Variants in ZBTB32 observed in about 807,000 individuals in gnomAD.
ZBTB32 encodes the protein zinc finger and BTB domain-containing protein 32.
A neutral mutation model predicts 45.3 loss-of-function variants in ZBTB32; 28 were observed. The observed-to-expected ratio is 0.62, with a 90% CI of 0.46 to 0.85. The LOEUF is 0.85. Among genes scored for constraint, ZBTB32 ranks in the 40% least tolerant of loss-of-function variants. The pLI is 0.00. For missense variants in ZBTB32, 587 were observed against 624.4 expected, an observed-to-expected ratio of 0.94 and a Z score of 0.64; for synonymous variants, 283 against 255.7, an observed-to-expected ratio of 1.11 and a Z score of -1.02.
At chr19:35,709,363 A>G (rs914583809) in intron 1 of ZBTB32, among the ~76,000 whole-genome samples, 1 of 152,198 alleles carries the variant, frequency 6.6e-6, no homozygotes, top group Non-Finnish European at 1.5e-5. Flanking sequence ...CATCCCTCCC[A>G]TTGGTCTATT....
chr19:35,710,670 C>T (rs1374996329), intron 1 of ZBTB32, among the ~76,000 whole-genome samples: 3 of 152,186 alleles, frequency 2.0e-5, no homozygotes, highest in Non-Finnish European at 4.4e-5. Flanking sequence ...ACAAGAGTCG[C>T]TTGAACCCAG....
Position 35,715,393 on chromosome 19 carries a change from TG to T in ZBTB32, c.773del (p.Gly258AlafsTer10). ...RPSWAEAPWL[V>X]GGQPALWSIL... ...TCGTGGGCTGAGGCCCCTTGGTTGG[TG>T]GGGGGCCAGCCTGCCCTGTGGAGCA... On this transcript the variant is annotated frameshift_variant, in exon 3 of 7. Coordinates refer to ENST00000392197, the MANE Select transcript of ZBTB32 (RefSeq NM_014383.3). LOFTEE classifies it high-confidence loss of function. 1 of 1,611,610 alleles carries T rather than the reference TG, an allele frequency of 6.2e-7. No homozygotes were observed.
chr19:35,706,711 ACT>A (rs1968553832), intron 1 of ZBTB32, among the ~76,000 whole-genome samples: 1 of 151,582 alleles, frequency 6.6e-6, no homozygotes, highest in African/African-American at 2.4e-5. Flanking sequence ...CAAGGGCAAA[ACT>A]CTGTCTCAAA....
intron 3 of ZBTB32, 88 bp from the exon 4 acceptor site, chr19:35,715,669 G>A (rs953994845): frequency 4.0e-6 from 6 of 1,499,418 alleles, no homozygotes; most frequent in Middle Eastern, 2.5e-4. Context: ...CCCAGCCCCC[G>A]GGGGAGGACT....
At chr19:35,715,661 C>A in intron 3 of ZBTB32, 96 bp from the exon 4 acceptor site, 1 of 1,492,318 alleles carries the variant, frequency 6.7e-7, no homozygotes, top group Non-Finnish European at 9.0e-7. Flanking sequence ...CGCCAAAGCC[C>A]AGCCCCCGGG....
intron 5 of ZBTB32, 53 bp from the exon 6 acceptor site, chr19:35,716,080 G>T: frequency 1.2e-6 from 2 of 1,611,872 alleles, no homozygotes; most frequent in Non-Finnish European, 1.7e-6. Context: ...GGTACAGTGA[G>T]TTGGCGCTGG....
rs1006815895 is a variant in ZBTB32 at position 35,716,596 on chromosome 19, C to A, written c.1308C>A (p.Gly436=). The change falls in exon 7 of 7, where the codon GGC becomes GGA. Residue 436 remains glycine, a synonymous_variant. Coordinates refer to ENST00000392197, the MANE Select transcript of ZBTB32 (RefSeq NM_014383.3). ...ACCGCTGCTCCCTGTGCGGGGCCGG[C>A]TGTCCCAGCCTGGCCTCCATGCAGG... ...APYRCSLCGA[G]CPSLASMQAH... is the part of the protein sequence containing the mutation. 1 of 1,613,026 alleles carries A rather than the reference C, an allele frequency of 6.2e-7. No homozygotes were observed. The highest frequency in any genetic ancestry group is 1.3e-5 in the African/African-American group (1 of 74,944).
chr19:35,716,989 G>C lies in ZBTB32; in HGVS notation c.*237G>C. On this transcript the variant is annotated 3_prime_UTR_variant, in exon 7 of 7. Coordinates refer to ENST00000392197, the MANE Select transcript of ZBTB32 (RefSeq NM_014383.3). ...AGGAGCGAAGGTTAACAGTAGGGGA[G>C]ATTGTCGATCTCATCACCATAATAA... is the stretch of plus-strand genomic sequence containing the variant. 1.8e-6 allele frequency: 1 copy of C among 569,744 alleles called. No homozygotes were observed. Among genetic ancestry groups the C allele is most frequent in the South Asian group, 2.3e-5 (1 of 43,180 alleles). 35.3% of individuals were successfully genotyped at this position (569,744 alleles called of 1,614,324 possible).
rs1459908979 is a variant in ZBTB32 at position 35,715,028 on chromosome 19, C to G, written c.402C>G (p.Pro134=). Reference sequence around the variant, plus strand: ...AACATCAGGAGGAGCCAGAGAAACCCTCAAGGAATCCTGAGAGAGAACTGG... The same window carrying G: ...AACATCAGGAGGAGCCAGAGAAACCGTCAAGGAATCCTGAGAGAGAACTGG... The part of the protein sequence containing the change: ...LKKHQEEPEK[P]SRNPERELGD... Residue 134 remains proline (P), a synonymous_variant, in exon 3 of 7, where the codon CCC becomes CCG. Transcript: ENST00000392197. 3 of 1,612,694 alleles carry G rather than the reference C, an allele frequency of 1.9e-6. No individual in the cohort carries two copies. The highest frequency in any genetic ancestry group is 2.5e-6 in the Non-Finnish European group (3 of 1,179,602).
Position 35,715,013 on chromosome 19 carries a change from G to A in ZBTB32, c.387G>A (p.Glu129=). ...ATCCAGGCCTGAAGAAACATCAGGA[G>A]GAGCCAGAGAAACCCTCAAGGAATC... ...KPDPGLKKHQ[E]EPEKPSRNPE... is the part of the protein sequence containing the mutation. Residue 129 remains glutamate, a synonymous_variant, in exon 3 of 7, where the codon GAG becomes GAA. Coordinates refer to ENST00000392197, the MANE Select transcript of ZBTB32 (RefSeq NM_014383.3). 6.2e-7 allele frequency: 1 copy of A among 1,611,534 alleles called. No homozygotes were observed. The highest frequency in any genetic ancestry group is 8.5e-7 in the Non-Finnish European group (1 of 1,179,210).
In ZBTB32 at chr19:35,714,505, C is replaced by A; in HGVS notation, c.-104-18C>A. 8.8e-7 allele frequency: 1 copy of A among 1,142,176 alleles called. No individual in the cohort carries two copies. The highest frequency in any genetic ancestry group is 1.2e-6 in the Non-Finnish European group (1 of 833,614). The allele number at this position is 1,142,176 out of a possible 1,614,324, so 70.8% of individuals were successfully genotyped here. On this transcript the variant is annotated intron_variant, in intron 2 of 6. Transcript: ENST00000392197. ...ATCTAGGACCAGCAACTCACACCCT[C>A]TCCCCTCACATCCACAGGCTTGAAA...
At chr19:35,712,537 A>G (rs749703060) in intron 1 of ZBTB32, among the ~76,000 whole-genome samples, 1 of 152,220 alleles carries the variant, frequency 6.6e-6, no homozygotes, top group African/African-American at 2.4e-5. Flanking sequence ...ACAGAAAAAG[A>G]AAGTTGAGCC....
chr19:35,708,524 G>GAAGA (rs1968605151), intron 1 of ZBTB32, among the ~76,000 whole-genome samples: 1 of 152,208 alleles, frequency 6.6e-6, no homozygotes, highest in Non-Finnish European at 1.5e-5. Context: ...GAGGGTCTTG[G>GAAGA]AAGACTTAGC....
chr19:35,705,032 G>A (rs546944105), intron 1 of ZBTB32, among the ~76,000 whole-genome samples: 24 of 152,334 alleles, frequency 1.6e-4, no homozygotes, highest in East Asian at 1.2e-3. Flanking sequence ...GGGGCTGGGC[G>A]CGGTGGCTCA....
chr19:35,706,855 C>A (rs1195238889), intron 1 of ZBTB32, among the ~76,000 whole-genome samples: 1 of 152,058 alleles, frequency 6.6e-6, no homozygotes, highest in Non-Finnish European at 1.5e-5. Context: ...TTTCGGAGTG[C>A]CTTCAGTACA....
intron 2 of ZBTB32, 162 bp downstream of exon 2, chr19:35,713,195 A>T (rs926967143): frequency 2.0e-5 from 3 of 152,238 alleles, no homozygotes; most frequent in African/African-American, 4.8e-5. Flanking sequence ...TGACTCTAGG[A>T]GTTCACAAAC....
rs557071042 is a variant in ZBTB32 at position 35,715,599 on chromosome 19, A to G, written c.881+92A>G. ...CTGGGTGGAAGGGCACTGCATCTCT[A>G]CTGCACAGTTCCTGAGCTGGGGAAG... On this transcript the variant is annotated intron_variant, in intron 3 of 6. Coordinates refer to ENST00000392197, the MANE Select transcript of ZBTB32 (RefSeq NM_014383.3). 15 of 1,488,838 alleles carry G rather than the reference A, an allele frequency of 1.0e-5. No individual in the cohort carries two copies. In the African/African-American group the frequency reaches 1.8e-4, roughly 18 times the overall value. The allele number at this position is 1,488,838 out of a possible 1,614,324, so 92.2% of individuals were successfully genotyped here. A position where few individuals can be genotyped will look rare whatever the true frequency, so the allele number is the denominator to read the frequency against.
chr19:35,710,605 T>A (rs1179211816), intron 1 of ZBTB32, among the ~76,000 whole-genome samples: 1 of 151,992 alleles, frequency 6.6e-6, no homozygotes, highest in Admixed American at 6.6e-5. Context: ...TACAAAAAAA[T>A]TAGCCGGGTG....
rs1469907059 is a variant in ZBTB32, at chr19:35,715,421, C to T, written c.795C>T (p.Ile265=). 4.4e-6 allele frequency: 7 copies of T among 1,599,526 alleles called. No homozygotes were observed. Among genetic ancestry groups the T allele is most frequent in the East Asian group, 2.2e-5 (1 of 44,820 alleles). ...LVGGQPALWS[I]LLMPPRYGIP... ...GGGGCCAGCCTGCCCTGTGGAGCAT[C>T]CTGCTGATGCCGCCCAGATATGGCA... is the stretch of plus-strand genomic sequence containing the variant. The change falls in exon 3 of 7, where the codon ATC becomes ATT. Residue 265 remains isoleucine, a synonymous_variant. Transcript: ENST00000392197.
Sources: allele counts gnomAD v4.1 joint callset (sites outside exome capture counted in the v4.1 genomes callset), GRCh38; gene constraint gnomAD v4.1.1; transcripts MANE v1.5; gene names NCBI Gene and HGNC (gene_info 2026-07-23, HGNC 2026-07-21).